The following PREPL variants were observed in gnomAD, a reference collection of about 807,000 sequenced individuals.
PREPL encodes prolyl endopeptidase-like.
A neutral mutation model predicts 70.6 loss-of-function variants in PREPL; 77 were observed. The ratio of observed to expected loss-of-function variants is 1.09; its 90% CI spans 0.91 to 1.32. The LOEUF (loss-of-function observed/expected upper bound fraction) is 1.32. Ranked by LOEUF, PREPL falls within the 40% of genes most tolerant of loss-of-function variation. PREPL has a pLI of 0.00. For missense variants in PREPL, 1,002 were observed against 778.2 expected (o/e 1.29, Z -3.42); for synonymous variants, 315 against 264.8 (o/e 1.19, Z -1.84).
Position 44,321,352 on chromosome 2 carries a change from T to C in PREPL, c.*4A>G. ...GTTTCCAATTCCCAGTTGAATGCAG[T>C]GTTTCAGAATTTCAGGTATTTCTTA... On this transcript the variant is annotated 3_prime_UTR_variant, in exon 14 of 14. Transcript: ENST00000409411. The C allele has an allele frequency of 6.3e-7, 1 of 1,594,312 alleles. No homozygotes were observed. The highest frequency in any genetic ancestry group is 8.6e-7 in the Non-Finnish European group (1 of 1,162,666).
rs190072138 is a variant in PREPL at position 44,330,602 on chromosome 2, T to G, written c.1087-1490A>C. 5.9e-5 allele frequency among the ~76,000 whole-genome samples: 9 copies of G among 152,290 alleles called. No homozygotes were observed. In the East Asian group the frequency reaches 1.7e-3, roughly 29 times the overall value. On this transcript the variant is annotated intron_variant, in intron 8 of 13. Coordinates refer to ENST00000409411, the MANE Select transcript of PREPL (RefSeq NM_001171613.2). The stretch of plus-strand genomic sequence containing the variant: ...GTTCAACAAGCATGTATTGCTTTTG[T>G]AATATAAAAATATTAATATTTACTT...
chr2:44,339,221 C>G lies in PREPL; in HGVS notation c.628G>C (p.Val210Leu). The G allele has an allele frequency of 6.2e-7, 1 of 1,614,026 alleles. No homozygotes were observed. The highest frequency in any genetic ancestry group is 8.5e-7 in the Non-Finnish European group (1 of 1,179,958). Residue 210 changes from valine (V) to leucine (L), a missense_variant, in exon 6 of 14, where the codon GTC becomes CTC. Coordinates refer to ENST00000409411, the MANE Select transcript of PREPL (RefSeq NM_001171613.2). Reference sequence around the variant, plus strand: ...TCTCTGTGTTCAACATAGTAAAGGACCCCATGTATTCGCTTCTGGATAAGT... The same window carrying G: ...TCTCTGTGTTCAACATAGTAAAGGAGCCCATGTATTCGCTTCTGGATAAGT... Reference protein sequence around the residue: ...PVLIQKRIHGVLYYVEHRDDE... With the variant: ...PVLIQKRIHGLLYYVEHRDDE...
chr2:44,332,742 T>A, intron 7 of PREPL, 86 bp from the exon 8 acceptor site: 2 of 1,077,522 alleles, frequency 1.9e-6, no homozygotes, highest in Non-Finnish European at 1.3e-6. Context: ...CCAAACAAGA[T>A]GATGTGGATA....
chr2:44,319,336 CTTT>C lies in PREPL; in HGVS notation c.*2017_*2019del, dbSNP rs1672719198. The C allele has an allele frequency of 6.6e-6, 1 of 152,576 alleles. No individual in the cohort carries two copies. The highest frequency in any genetic ancestry group is 1.5e-5 in the Non-Finnish European group (1 of 68,028). 9.5% of individuals were successfully genotyped at this position (152,576 alleles called of 1,614,324 possible). ...GCATTATGTATCAAGTGCCCATACT[CTTT>C]GACAAAGTAACTGTCTTTCTGATAA... On this transcript the variant is annotated 3_prime_UTR_variant, in exon 14 of 14. Coordinates refer to ENST00000409411, the MANE Select transcript of PREPL (RefSeq NM_001171613.2).
intron 1 of PREPL, among the ~76,000 whole-genome samples, chr2:44,357,390 T>C (rs1677162365): frequency 6.6e-6 from 1 of 152,244 alleles, no homozygotes; most frequent in Non-Finnish European, 1.5e-5. Context: ...ACAGGTGTTT[T>C]CACAGCTGCC....
chr2:44,361,748 T>A (rs890175862), upstream of PREPL: 1 of 475,108 alleles, frequency 2.1e-6, no homozygotes, highest in African/African-American at 2.0e-5. Flanking sequence ...CCAGTAGCCC[T>A]GCCACAGCTC....
chr2:44,347,141 G>A (rs1430779702), intron 1 of PREPL: 1 of 151,920 alleles, frequency 6.6e-6, no homozygotes, highest in South Asian at 2.1e-4. Flanking sequence ...GACCAGCCTG[G>A]GCAACATAGC....
At position 44,351,524 on chromosome 2, in the gene PREPL, A is replaced by C. The variant is rs900490680; in HGVS notation, c.-48-5134T>G. On this transcript the variant is annotated intron_variant, in intron 1 of 13. Transcript: ENST00000409411. The stretch of plus-strand genomic sequence containing the variant: ...TATCCCTCGCCCTATTAAAAAAAAA[A>C]AAAACAAAACCCTGTTCTCCAGGCA... 6.4e-4 allele frequency among the ~76,000 whole-genome samples: 98 copies of C among 152,158 alleles called. No homozygotes were observed. The Middle Eastern group carries it at 0.01, about 16-fold the overall frequency.
intron 8 of PREPL, among the ~76,000 whole-genome samples, chr2:44,329,627 A>G (rs1317379901): frequency 6.6e-6 from 1 of 152,208 alleles, no homozygotes; most frequent in Non-Finnish European, 1.5e-5. Flanking sequence ...GATGTTACTG[A>G]TAACTACCAC....
At position 44,319,870 on chromosome 2, in the gene PREPL, T is replaced by C. The variant is rs180971184; in HGVS notation, c.*1486A>G. ...GTTACAATATAGCACAGAATGACTA[T>C]GCAAGTTAAATATTCATCTTAGACA... On this transcript the variant is annotated 3_prime_UTR_variant, in exon 14 of 14. Transcript: ENST00000409411. 755 of 281,122 alleles carry C rather than the reference T, an allele frequency of 2.7e-3. 4 individuals are homozygous for C. The highest frequency in any genetic ancestry group is 0.012 in the Middle Eastern group (10 of 824). 17.4% of individuals were successfully genotyped at this position (281,122 alleles called of 1,614,324 possible).
intron 8 of PREPL, among the ~76,000 whole-genome samples, chr2:44,332,249 A>G (rs1008706216): frequency 3.9e-5 from 6 of 152,188 alleles, no homozygotes; most frequent in Admixed American, 2.6e-4. Flanking sequence ...CCCGGCCGAC[A>G]TGCTATAAAT....
At chr2:44,356,235 T>A (rs1677028367) in intron 1 of PREPL, 1 of 152,152 alleles carries the variant, frequency 6.6e-6, no homozygotes, top group African/African-American at 2.4e-5. Context: ...AATTACCTGA[T>A]GTGAACTTCA....
rs933046422 is a variant in PREPL, at chr2:44,319,387, T to TG, written c.*1968dup. Reference sequence around the variant, plus strand: ...TAATCTATCTTAAGTAATACAAAAATGGGGGGAGGGGAATAAAAATACAAA... The same window carrying TG: ...TAATCTATCTTAAGTAATACAAAAATGGGGGGGAGGGGAATAAAAATACAAA... On this transcript the variant is annotated 3_prime_UTR_variant, in exon 14 of 14. Coordinates refer to ENST00000409411, the MANE Select transcript of PREPL (RefSeq NM_001171613.2). The TG allele has an allele frequency of 6.6e-6, 1 of 152,390 alleles. No individual in the cohort carries two copies. Among genetic ancestry groups the TG allele is most frequent in the Non-Finnish European group, 1.5e-5 (1 of 67,976 alleles). 9.4% of individuals were successfully genotyped at this position (152,390 alleles called of 1,614,324 possible). A position where few individuals can be genotyped will look rare whatever the true frequency, so the allele number is the denominator to read the frequency against.
At chr2:44,341,429 T>C (rs956752028) in intron 5 of PREPL, among the ~76,000 whole-genome samples, 4 of 152,134 alleles carry the variant, frequency 2.6e-5, no homozygotes, top group Non-Finnish European at 5.9e-5. Context: ...AATATATAAT[T>C]GTAGGGCAAG....
intron 1 of PREPL, among the ~76,000 whole-genome samples, chr2:44,348,326 A>G (rs1676042789): frequency 1.3e-5 from 2 of 152,242 alleles, no homozygotes; most frequent in Admixed American, 1.3e-4. Context: ...TATCTGTATC[A>G]ATAATCCCCT....
Position 44,318,260 on chromosome 2 carries a change from T to C in PREPL, c.*3096A>G. ...TGCACGTCATTATGCCCGGGTAATT[T>C]CTGTATTTTTTAGTAGAGATGGTGT... On this transcript the variant is annotated 3_prime_UTR_variant, in exon 14 of 14. Coordinates refer to ENST00000409411, the MANE Select transcript of PREPL (RefSeq NM_001171613.2). 3.3e-6 allele frequency: 1 copy of C among 300,928 alleles called. No homozygotes were observed. The highest frequency in any genetic ancestry group is 2.5e-5 in the South Asian group (1 of 40,038). 18.6% of individuals were successfully genotyped at this position (300,928 alleles called of 1,614,324 possible).
Position 44,332,516 on chromosome 2 carries a change from C to T in PREPL, c.1029G>A (p.Gly343=), listed in dbSNP as rs1372029667. The T allele has an allele frequency of 5.0e-6, 8 of 1,614,076 alleles. No homozygotes were observed. The highest frequency in any genetic ancestry group is 5.9e-6 in the Non-Finnish European group (7 of 1,180,006). The change falls in exon 8 of 14, where the codon GGG becomes GGA. Residue 343 remains glycine, a synonymous_variant. Coordinates refer to ENST00000409411, the MANE Select transcript of PREPL (RefSeq NM_001171613.2). ...TAGTCTTTGTGATTGGGTCTTCATGCCCAGTTTCCTCAAACAGTTTGCCTT... is the reference window on the plus strand; with the variant it reads ...TAGTCTTTGTGATTGGGTCTTCATGTCCAGTTTCCTCAAACAGTTTGCCTT... ...FAEGKLFEET[G]HEDPITKTSR... is the part of the protein sequence containing the mutation.
At chr2:44,330,468 T>C (rs1049417665) in intron 8 of PREPL, among the ~76,000 whole-genome samples, 61 of 152,082 alleles carry the variant, frequency 4.0e-4, no homozygotes, top group African/African-American at 1.3e-3. Context: ...ATAAAACCTA[T>C]CTAAAAGATA....
At chr2:44,331,513 C>T (rs1188427983) in intron 8 of PREPL, among the ~76,000 whole-genome samples, 1 of 152,014 alleles carries the variant, frequency 6.6e-6, no homozygotes, top group Non-Finnish European at 1.5e-5. Context: ...GCCAGCCCTA[C>T]ACTTCTTGAA....
Sources: allele counts gnomAD v4.1 joint callset (sites outside exome capture counted in the v4.1 genomes callset), GRCh38; gene constraint gnomAD v4.1.1; transcripts MANE v1.5; gene names NCBI Gene and HGNC (gene_info 2026-07-23, HGNC 2026-07-21).